PRKCB: variants seen among roughly 807,000 people sequenced by gnomAD.
The protein encoded by PRKCB is protein kinase C beta type.
PRKCB carries 13 observed loss-of-function variants against 81.5 expected under a neutral mutation model. That is an observed-to-expected ratio of 0.16 (90% CI 0.10 to 0.25). The LOEUF is 0.25. PRKCB is among the 10% of genes least tolerant of loss of function. PRKCB has a pLI of 1.00. For missense variants in PRKCB, 509 were observed against 875.7 expected, an observed-to-expected ratio of 0.58 and a Z score of 5.29; for synonymous variants, 335 against 321.4, an observed-to-expected ratio of 1.04 and a Z score of -0.45.
chr16:24,019,676 A>G (rs1195087232), intron 3 of PRKCB, among the ~76,000 whole-genome samples: 1 of 151,486 alleles, frequency 6.6e-6, no homozygotes. Context: ...AGGCAGGAGG[A>G]TTGTTTGAAC....
At chr16:23,839,954 TGCCAGGTAAGAGTCAAAACTCA>T (rs992092073) in intron 2 of PRKCB, among the ~76,000 whole-genome samples, 13 of 152,322 alleles carry the variant, frequency 8.5e-5, no homozygotes, top group African/African-American at 2.9e-4. Context: ...TGGAACTGCC[TGCCAGGTAAGAGTCAAAACTCA>T]GCCATGAACT....
At chr16:24,132,771 CTTTT>C (rs750021427) in intron 9 of PRKCB, among the ~76,000 whole-genome samples, 3 of 100,968 alleles carry the variant, frequency 3.0e-5, no homozygotes, top group African/African-American at 4.4e-5. Context: ...TGATTTGGGG[CTTTT>C]TTTTTTTTTT....
rs56671761 is a variant in PRKCB at position 24,168,541 on chromosome 16, C to CTTTTTTTTTTTTTTTTT, written c.1240-3716_1240-3700dup. ...TTCATTATTTTTCTTTCTTCTTCTA[C>CTTTTTTTTTTTTTTTTT]TTTTTTTTTTTTTTTTTTTTTTTTT... On this transcript the variant is annotated intron_variant, in intron 10 of 16. Transcript: ENST00000643927. 1.7e-4 allele frequency among the ~76,000 whole-genome samples: 13 copies of CTTTTTTTTTTTTTTTTT among 76,392 alleles called. 2 individuals carry two copies. Among genetic ancestry groups the CTTTTTTTTTTTTTTTTT allele is most frequent in the South Asian group, 1.1e-3 (2 of 1,818 alleles). The allele number at this position is 76,392 out of a possible 152,430, so 50.1% of individuals were successfully genotyped here. A position where few individuals can be genotyped will look rare whatever the true frequency, so the allele number is the denominator to read the frequency against.
intron 2 of PRKCB, among the ~76,000 whole-genome samples, chr16:23,952,808 G>A (rs1964300634): frequency 6.6e-6 from 1 of 152,190 alleles, no homozygotes; most frequent in Non-Finnish European, 1.5e-5. Context: ...TGTGGAACAG[G>A]TTATTGCCAT....
Position 24,014,147 on chromosome 16 carries a change from G to A in PRKCB, c.289-17989G>A, listed in dbSNP as rs139974306. Among the ~76,000 whole-genome samples the A allele has an allele frequency of 5.8e-4, 88 of 152,294 alleles. 1 individual carries two copies. The East Asian group carries it at 0.017, about 29-fold the overall frequency. ...ATCCAGGGCTGCACCTGGAAACCAA[G>A]CTGGCAGCGGCTTTGCAAGTTGAAT... On this transcript the variant is annotated intron_variant, in intron 3 of 16. Transcript: ENST00000643927.
At chr16:23,938,927 T>G (rs1296356992) in intron 2 of PRKCB, among the ~76,000 whole-genome samples, 1 of 152,214 alleles carries the variant, frequency 6.6e-6, no homozygotes, top group Non-Finnish European at 1.5e-5. Flanking sequence ...AAACTGTATT[T>G]ATTTGCAAAC....
At chr16:23,971,382 A>G (rs1464140638) in intron 2 of PRKCB, among the ~76,000 whole-genome samples, 1 of 152,066 alleles carries the variant, frequency 6.6e-6, no homozygotes, top group African/African-American at 2.4e-5. Flanking sequence ...CCCTTTGAGG[A>G]CGGATGGTGT....
chr16:23,895,119 A>G (rs576773035), intron 2 of PRKCB, among the ~76,000 whole-genome samples: 2 of 152,270 alleles, frequency 1.3e-5, no homozygotes, highest in East Asian at 1.9e-4. Context: ...CATTTTTGGT[A>G]TACTTTCAAA....
intron 5 of PRKCB, among the ~76,000 whole-genome samples, chr16:24,087,156 C>T (rs1023757380): frequency 1.3e-5 from 2 of 152,134 alleles, no homozygotes; most frequent in Non-Finnish European, 2.9e-5. Flanking sequence ...ATTCTTAGTA[C>T]ATTTATTCAA....
chr16:24,215,179 T>C lies in PRKCB; in HGVS notation c.*363T>C. The C allele has an allele frequency of 9.6e-7, 1 of 1,038,478 alleles. No individual in the cohort carries two copies. Among genetic ancestry groups the C allele is most frequent in the Non-Finnish European group, 1.2e-6 (1 of 861,488 alleles). The allele number at this position is 1,038,478 out of a possible 1,614,324, so 64.3% of individuals were successfully genotyped here. A position where few individuals can be genotyped will look rare whatever the true frequency, so the allele number is the denominator to read the frequency against. The stretch of plus-strand genomic sequence containing the variant: ...CCCAACCATCCAATCTGTGGATAAT[T>C]GGATGTTAGCGGTACTCTTCCACTT... On this transcript the variant is annotated 3_prime_UTR_variant, in exon 17 of 17. Coordinates refer to ENST00000643927, the MANE Select transcript of PRKCB (RefSeq NM_002738.7).
intron 2 of PRKCB, among the ~76,000 whole-genome samples, chr16:23,890,029 A>G (rs1422984403): frequency 1.3e-5 from 2 of 152,240 alleles, no homozygotes; most frequent in Non-Finnish European, 2.9e-5. Flanking sequence ...TCTAATTCCA[A>G]TAGTTAGAAT....
chr16:23,926,814 T>C (rs991075767), intron 2 of PRKCB, among the ~76,000 whole-genome samples: 1 of 152,084 alleles, frequency 6.6e-6, no homozygotes, highest in Non-Finnish European at 1.5e-5. Context: ...CTTCTTTGGA[T>C]AGCTGCCCAA....
intron 14 of PRKCB, 108 bp downstream of exon 14, chr16:24,185,299 T>C: frequency 7.8e-7 from 1 of 1,276,626 alleles, no homozygotes; most frequent in Admixed American, 2.0e-5. Context: ...GGAACCTCTA[T>C]GACTTTCCCG....
intron 9 of PRKCB, 47 bp from the exon 10 acceptor site, chr16:24,154,637 C>T (rs375177555): frequency 6.3e-7 from 1 of 1,598,838 alleles, no homozygotes. Flanking sequence ...CATAACTGGC[C>T]CCCAGACTCC....
At chr16:24,143,224 C>T (rs1567390431) in intron 9 of PRKCB, among the ~76,000 whole-genome samples, 2 of 152,068 alleles carry the variant, frequency 1.3e-5, no homozygotes, top group Non-Finnish European at 2.9e-5. Flanking sequence ...CCTCCACCTC[C>T]TTGGTTCAAG....
intron 5 of PRKCB, among the ~76,000 whole-genome samples, chr16:24,091,048 G>T (rs1381726052): frequency 6.6e-6 from 1 of 152,048 alleles, no homozygotes; most frequent in Non-Finnish European, 1.5e-5. Context: ...GGTTTAGAGG[G>T]TAACTCTTTA....
chr16:24,158,506 T>C (rs1468330630), intron 10 of PRKCB, among the ~76,000 whole-genome samples: 1 of 150,986 alleles, frequency 6.6e-6, no homozygotes, highest in Non-Finnish European at 1.5e-5. Context: ...ATTGCTATGC[T>C]CTGAGATCTT....
At chr16:24,161,426 A>G (rs1358389925) in intron 10 of PRKCB, among the ~76,000 whole-genome samples, 1 of 152,176 alleles carries the variant, frequency 6.6e-6, no homozygotes, top group Non-Finnish European at 1.5e-5. Flanking sequence ...CAAAATATTG[A>G]TTTGATTTAG....
chr16:23,973,665 C>G (rs910589734), intron 2 of PRKCB, among the ~76,000 whole-genome samples: 4 of 151,904 alleles, frequency 2.6e-5, no homozygotes, highest in Non-Finnish European at 4.4e-5. Context: ...GATATTTAAT[C>G]CCCAAGAAAA....
Sources: gnomAD v4.1 joint callset for allele counts (sites outside exome capture counted in the v4.1 genomes callset) on GRCh38, gnomAD v4.1.1 for gene constraint, MANE v1.5 for transcripts, NCBI Gene and HGNC (gene_info 2026-07-23, HGNC 2026-07-21) for gene names.